The following RSBN1L variants were observed in gnomAD, a reference collection of about 807,000 sequenced individuals.
RSBN1L encodes lysine-specific demethylase RSBN1L.
Under a neutral mutation model 67.7 loss-of-function variants are expected in RSBN1L, and 30 were observed. The observed-to-expected ratio is 0.44, with a 90% CI of 0.33 to 0.60. The LOEUF is 0.60. Ranked by LOEUF, RSBN1L falls within the 20% of genes least tolerant of loss-of-function variation. The pLI is 0.02. For synonymous variants in RSBN1L, 433 were observed against 387.0 expected (o/e 1.12, Z -1.39); for missense variants, 992 against 1,031.7 (o/e 0.96, Z 0.53).
At position 77,749,677 on chromosome 7, in the gene RSBN1L, G is replaced by C. The variant is rs183587488; in HGVS notation, c.957G>C (p.Glu319Asp). 1.2e-6 allele frequency: 2 copies of C among 1,614,148 alleles called. No individual in the cohort carries two copies. Among genetic ancestry groups the C allele is most frequent in the East Asian group, 4.5e-5 (2 of 44,884 alleles). ...AGAACTATGATTCCAAAATTCCAGA[G>C]AACAGTGAGTTTCCATTTGTCTCAT... ...DTKNYDSKIPENSEFPFVSLK... is the reference protein window; with the variant it reads ...DTKNYDSKIPDNSEFPFVSLK... The change falls in exon 3 of 8, where the codon GAG becomes GAC. Residue 319 changes from glutamate to aspartate, a missense_variant. By Grantham distance (45) the Glu-to-Asp change is conservative (BLOSUM62 2). Coordinates refer to ENST00000334955, the MANE Select transcript of RSBN1L (RefSeq NM_198467.3).
intron 1 of RSBN1L, among the ~76,000 whole-genome samples, chr7:77,735,062 AAAAC>A (rs1454714904): frequency 1.3e-5 from 2 of 151,990 alleles, no homozygotes; most frequent in Non-Finnish European, 2.9e-5. Context: ...TTGAAAAAAA[AAAAC>A]AAAAAACACT....
At chr7:77,764,344 A>C (rs1046202954) in intron 3 of RSBN1L, among the ~76,000 whole-genome samples, 1 of 152,248 alleles carries the variant, frequency 6.6e-6, no homozygotes, top group African/African-American at 2.4e-5. Context: ...ATGAAAACAC[A>C]TAGGTTTCTT....
At chr7:77,726,170 C>A (rs1791200968) in intron 1 of RSBN1L, among the ~76,000 whole-genome samples, 1 of 152,166 alleles carries the variant, frequency 6.6e-6, no homozygotes, top group East Asian at 1.9e-4. Flanking sequence ...TTACATTTTT[C>A]TAGCACGTTT....
intron 1 of RSBN1L, among the ~76,000 whole-genome samples, chr7:77,725,272 G>A (rs577061827): frequency 2.2e-4 from 10 of 45,986 alleles, no homozygotes; most frequent in Non-Finnish European, 2.5e-4. Flanking sequence ...TTTTGAGATG[G>A]AATTTTGCTC....
In RSBN1L at chr7:77,780,521, A is replaced by G. The variant is rs1032971613; in HGVS notation, c.*1353A>G. ...TACCTTTACTAAGTAATAGCTAAGT[A>G]TAAAATCTTTAGTTACAGAAAGCTT... On this transcript the variant is annotated 3_prime_UTR_variant, in exon 8 of 8. Coordinates refer to ENST00000334955, the MANE Select transcript of RSBN1L (RefSeq NM_198467.3). 1 of 152,236 alleles carries G rather than the reference A, an allele frequency of 6.6e-6. No homozygotes were observed. The highest frequency in any genetic ancestry group is 2.4e-5 in the African/African-American group (1 of 41,470). 9.4% of individuals were successfully genotyped at this position (152,236 alleles called of 1,614,324 possible).
rs773978716 is a variant in RSBN1L at position 77,749,707 on chromosome 7, G to C, written c.987G>C (p.Lys329Asn). 2.5e-6 allele frequency: 4 copies of C among 1,614,132 alleles called. No individual in the cohort carries two copies. Among genetic ancestry groups the C allele is most frequent in the Non-Finnish European group, 3.4e-6 (4 of 1,180,026 alleles). ...ENSEFPFVSL[K>N]EPRVQNNLKR... ...GTGAGTTTCCATTTGTCTCATTAAA[G>C]GAGCCACGAGTTCAGAATAACCTCA... is the stretch of plus-strand genomic sequence containing the variant. The change falls in exon 3 of 8, where the codon AAG becomes AAC. Residue 329 changes from lysine to asparagine, a missense_variant. Around this residue, in one of 7 missense-constraint regions of RSBN1L, gnomAD observed 575 missense variants for 483.2 expected, o/e 1.19. Transcript: ENST00000334955.
intron 1 of RSBN1L, among the ~76,000 whole-genome samples, chr7:77,727,243 A>G (rs893016233): frequency 1.3e-5 from 2 of 151,784 alleles, no homozygotes; most frequent in African/African-American, 4.8e-5. Context: ...ATGTGCCACC[A>G]CGCCCAACTA....
At chr7:77,754,489 AT>A (rs1791592305) in intron 3 of RSBN1L, among the ~76,000 whole-genome samples, 1 of 152,142 alleles carries the variant, frequency 6.6e-6, no homozygotes, top group Non-Finnish European at 1.5e-5. Context: ...GGTCTTGCAG[AT>A]TTTTAAGATT....
chr7:77,722,340 C>T (rs1292026024), intron 1 of RSBN1L, among the ~76,000 whole-genome samples: 1 of 151,824 alleles, frequency 6.6e-6, no homozygotes. Context: ...AGGAGAGATC[C>T]TAGGTAAATG....
chr7:77,725,488 C>T lies in RSBN1L; in HGVS notation c.587-10922C>T, dbSNP rs533446736. The stretch of plus-strand genomic sequence containing the variant: ...TCTCGAACTCCTGACCTCAGGTGAT[C>T]CACCTGCCTCGGCCTCCCATAGTGC... On this transcript the variant is annotated intron_variant, in intron 1 of 7. Coordinates refer to ENST00000334955, the MANE Select transcript of RSBN1L (RefSeq NM_198467.3). Among the ~76,000 whole-genome samples, 3 of 151,466 alleles carry T rather than the reference C, an allele frequency of 2.0e-5. No individual in the cohort carries two copies. In the South Asian group the frequency reaches 6.3e-4, roughly 32 times the overall value.
intron 1 of RSBN1L, among the ~76,000 whole-genome samples, chr7:77,697,643 T>C (rs1223852160): frequency 6.6e-6 from 1 of 152,154 alleles, no homozygotes; most frequent in African/African-American, 2.4e-5. Flanking sequence ...TACTCTCCGC[T>C]GCGTATTCTT....
chr7:77,700,568 A>G lies in RSBN1L; in HGVS notation c.586+3513A>G. On this transcript the variant is annotated intron_variant, in intron 1 of 7. Transcript: ENST00000334955. ...ATGTCAAAGGGATGGGTGTCTGAAG[A>G]TTTTTCTAACTACACTCTCCTCCAG... 1.3e-5 allele frequency among the ~76,000 whole-genome samples: 2 copies of G among 152,088 alleles called. 1 individual carries two copies.
In RSBN1L at chr7:77,698,791, A is replaced by T. The variant is rs537395701; in HGVS notation, c.586+1736A>T. 3.9e-5 allele frequency among the ~76,000 whole-genome samples: 6 copies of T among 152,190 alleles called. No individual in the cohort carries two copies. In the East Asian group the frequency reaches 1.2e-3, roughly 29 times the overall value. ...TTTGGAGTAGTGACAAGATATTAAC[A>T]CTACTGTAAGATTTTCATTTTTTCA... On this transcript the variant is annotated intron_variant, in intron 1 of 7. Coordinates refer to ENST00000334955, the MANE Select transcript of RSBN1L (RefSeq NM_198467.3).
In RSBN1L at chr7:77,736,524, AAAGT is replaced by A; in HGVS notation, c.703+3_703+6del. On this transcript the variant is annotated splice_donor_variant and coding_sequence_variant, in exon 2 of 8. Transcript: ENST00000334955. LOFTEE classifies it high-confidence loss of function. ...AATGGAGAAGTAAAGATTTTGCTGA[AAAGT>A]AAGTTTTATTCAGTGATTTTAGTTC... is the stretch of plus-strand genomic sequence containing the variant. 2 of 1,302,808 alleles carry A rather than the reference AAAGT, an allele frequency of 1.5e-6. No individual in the cohort carries two copies. The highest frequency in any genetic ancestry group is 2.1e-6 in the Non-Finnish European group (2 of 958,694). The allele number at this position is 1,302,808 out of a possible 1,614,324, so 80.7% of individuals were successfully genotyped here. A position where few individuals can be genotyped will look rare whatever the true frequency, so the allele number is the denominator to read the frequency against.
intron 6 of RSBN1L, among the ~76,000 whole-genome samples, chr7:77,774,270 A>G (rs993422452): frequency 6.6e-6 from 1 of 152,164 alleles, no homozygotes; most frequent in Admixed American, 6.5e-5. Flanking sequence ...TATTAAATTG[A>G]TAAAACATAT....
At chr7:77,713,483 A>G (rs1214251965) in intron 1 of RSBN1L, among the ~76,000 whole-genome samples, 4 of 151,656 alleles carry the variant, frequency 2.6e-5, no homozygotes, top group Non-Finnish European at 5.9e-5. Context: ...CAGCCTCCCG[A>G]GTAGCTGGGA....
chr7:77,778,475 T>C (rs761136596), intron 7 of RSBN1L, 29 bp downstream of exon 7: 4 of 1,596,156 alleles, frequency 2.5e-6, no homozygotes, highest in Non-Finnish European at 3.4e-6. Context: ...CTGTCTTTGG[T>C]TTAGTTTTTA....
intron 4 of RSBN1L, 77 bp from the exon 5 acceptor site, chr7:77,768,584 G>A (rs1791805138): frequency 1.6e-6 from 2 of 1,252,690 alleles, no homozygotes; most frequent in Admixed American, 2.0e-5. Flanking sequence ...TTTGTCAGGG[G>A]AACAATATTA....
chr7:77,777,475 C>T (rs1421827804), intron 6 of RSBN1L, among the ~76,000 whole-genome samples: 3 of 151,744 alleles, frequency 2.0e-5, no homozygotes, highest in Admixed American at 6.6e-5. Flanking sequence ...TTTTATTTCA[C>T]ATTTTTTGGA....
Sources: gnomAD v4.1 joint callset for allele counts (sites outside exome capture counted in the v4.1 genomes callset) on GRCh38, gnomAD v4.1.1 for gene constraint, gnomAD v4.1.1 regional missense constraint, MANE v1.5 for transcripts, NCBI Gene and HGNC (gene_info 2026-07-23, HGNC 2026-07-21) for gene names.